Variants in BNC2 observed in about 807,000 individuals in gnomAD.
The protein encoded by BNC2 is zinc finger protein basonuclin-2.
In BNC2, 20 loss-of-function variants were observed where a neutral mutation model predicts 76.3. The ratio of observed to expected loss-of-function variants is 0.26; its 90% confidence interval spans 0.18 to 0.38. BNC2 has a LOEUF of 0.38. Among genes scored for constraint, BNC2 ranks in the 10% least tolerant of loss-of-function variants. The probability of loss-of-function intolerance (pLI) is 1.00; values close to 1 mark genes in which losing one functional copy is unlikely to be tolerated. For synonymous variants in BNC2, 582 were observed against 514.8 expected (o/e 1.13, Z -1.77); for missense variants, 1,382 against 1,399.8 (o/e 0.99, Z 0.20).
At chr9:16,557,721 T>C (rs1044641200) in intron 4 of BNC2, among the ~76,000 whole-genome samples, 2 of 152,046 alleles carry the variant, frequency 1.3e-5, no homozygotes, top group Non-Finnish European at 2.9e-5. Flanking sequence ...CTTTTCTCTA[T>C]AGTGAGTTGA....
intron 1 of BNC2, among the ~76,000 whole-genome samples, chr9:16,774,022 C>T (rs539292252): frequency 6.6e-6 from 1 of 152,176 alleles, no homozygotes; most frequent in East Asian, 1.9e-4. Flanking sequence ...CACTCTATTG[C>T]CCAGGCTGGA....
At chr9:16,633,375 G>T (rs1011312397) in intron 3 of BNC2, among the ~76,000 whole-genome samples, 2 of 152,154 alleles carry the variant, frequency 1.3e-5, no homozygotes, top group African/African-American at 4.8e-5. Flanking sequence ...AACCCTGTTA[G>T]TCTTACTCCA....
chr9:16,832,882 T>C (rs1204514780), intron 1 of BNC2, among the ~76,000 whole-genome samples: 1 of 151,964 alleles, frequency 6.6e-6, no homozygotes, highest in Admixed American at 6.6e-5. Context: ...CGCACCACCA[T>C]AACCAGCTAA....
intron 5 of BNC2, among the ~76,000 whole-genome samples, chr9:16,468,798 C>G (rs1432405659): frequency 6.6e-6 from 1 of 152,186 alleles, no homozygotes; most frequent in African/African-American, 2.4e-5. Context: ...CAAGGTGACA[C>G]AGCTAACAGA....
chr9:16,465,106 G>C (rs989049787), intron 5 of BNC2, among the ~76,000 whole-genome samples: 1 of 152,184 alleles, frequency 6.6e-6, no homozygotes, highest in Non-Finnish European at 1.5e-5. Context: ...TTAGCACACA[G>C]TGCCACTCTG....
chr9:16,448,767 T>A lies in BNC2; in HGVS notation c.670-11243A>T, dbSNP rs571047209. Among the ~76,000 whole-genome samples the A allele has an allele frequency of 2.0e-5, 3 of 152,298 alleles. No homozygotes were observed. In the South Asian group the frequency reaches 6.2e-4, roughly 32 times the overall value. On this transcript the variant is annotated intron_variant, in intron 5 of 6. Coordinates refer to ENST00000380672, the MANE Select transcript of BNC2 (RefSeq NM_017637.6). ...AATAGCCGTAGAACACAAAGATTAA[T>A]TTCCTGCTTTAGCATTCATCAGGGA...
At chr9:16,755,753 C>G (rs181992169) in intron 1 of BNC2, among the ~76,000 whole-genome samples, 1 of 152,308 alleles carries the variant, frequency 6.6e-6, no homozygotes, top group East Asian at 1.9e-4. Flanking sequence ...CTCCTCAAAT[C>G]TGCTCCTCCT....
intron 3 of BNC2, among the ~76,000 whole-genome samples, chr9:16,601,835 G>A (rs1003641996): frequency 3.3e-5 from 5 of 152,078 alleles, no homozygotes; most frequent in Non-Finnish European, 7.3e-5. Context: ...ACAACTGGCC[G>A]TAACTGCAGT....
At chr9:16,738,907 CA>C (rs1824760386) in intron 1 of BNC2, among the ~76,000 whole-genome samples, 1 of 146,298 alleles carries the variant, frequency 6.8e-6, no homozygotes, top group South Asian at 2.3e-4. Context: ...TCCTTGCTCA[CA>C]AGTTTACAAT....
intron 3 of BNC2, among the ~76,000 whole-genome samples, chr9:16,593,613 CATGAA>C (rs1235384121): frequency 6.6e-6 from 1 of 151,962 alleles, no homozygotes; most frequent in Non-Finnish European, 1.5e-5. Flanking sequence ...ATTAAAGAAA[CATGAA>C]ATGAAAAGGC....
intron 3 of BNC2, among the ~76,000 whole-genome samples, chr9:16,675,487 T>A (rs575008707): frequency 6.6e-6 from 1 of 152,178 alleles, no homozygotes; most frequent in Non-Finnish European, 1.5e-5. Context: ...CTTGAACTCC[T>A]GGGCTCAAGT....
intron 1 of BNC2, among the ~76,000 whole-genome samples, chr9:16,742,661 T>C (rs1824884693): frequency 6.6e-6 from 1 of 152,208 alleles, no homozygotes; most frequent in Non-Finnish European, 1.5e-5. Flanking sequence ...CAAAATGAGA[T>C]TGATCTTTGA....
chr9:16,783,382 G>A (rs10962589), intron 1 of BNC2, among the ~76,000 whole-genome samples: 34,607 of 151,966 alleles, frequency 0.23, 5,072 homozygotes, highest in East Asian at 0.67. Context: ...ACCAAAATCT[G>A]ATTTCCAGGA....
At chr9:16,789,596 T>C (rs2135640020) in intron 1 of BNC2, among the ~76,000 whole-genome samples, 1 of 152,316 alleles carries the variant, frequency 6.6e-6, no homozygotes, top group African/African-American at 2.4e-5. Context: ...GTCTCCCTGC[T>C]TCTCCCACCT....
At chr9:16,764,834 A>T (rs766046673) in intron 1 of BNC2, among the ~76,000 whole-genome samples, 5 of 151,880 alleles carry the variant, frequency 3.3e-5, no homozygotes, top group African/African-American at 4.8e-5. Context: ...TGTTCTTCAC[A>T]ATAAGCTTAT....
At chr9:16,813,265 C>T (rs570289877) in intron 1 of BNC2, among the ~76,000 whole-genome samples, 54 of 150,372 alleles carry the variant, frequency 3.6e-4, no homozygotes, top group Non-Finnish European at 7.2e-4. Flanking sequence ...GCAGAAAAAC[C>T]ATTTTTTTTT....
intron 5 of BNC2, among the ~76,000 whole-genome samples, chr9:16,464,181 A>ACT (rs937843229): frequency 6.6e-6 from 1 of 151,918 alleles, no homozygotes; most frequent in Non-Finnish European, 1.5e-5. Context: ...ATAGCTAACA[A>ACT]CTCTTTAAGA....
intron 1 of BNC2, among the ~76,000 whole-genome samples, chr9:16,844,463 G>A (rs1282289415): frequency 2.0e-5 from 3 of 147,834 alleles, no homozygotes; most frequent in Non-Finnish European, 3.0e-5. Flanking sequence ...TGGGGAGCAA[G>A]AGTAGTATTT....
intron 1 of BNC2, among the ~76,000 whole-genome samples, chr9:16,800,603 A>G (rs1256711023): frequency 6.6e-6 from 1 of 151,994 alleles, no homozygotes; most frequent in African/African-American, 2.4e-5. Context: ...TTTCTAAGGT[A>G]CCTATTTAAG....
Sources: gnomAD v4.1 joint callset for allele counts (sites outside exome capture counted in the v4.1 genomes callset) on GRCh38, gnomAD v4.1.1 for gene constraint, MANE v1.5 for transcripts, NCBI Gene and HGNC (gene_info 2026-07-23, HGNC 2026-07-21) for gene names.